Variants in IQGAP2 observed in about 807,000 individuals in gnomAD.
The protein encoded by IQGAP2 is ras GTPase-activating-like protein IQGAP2.
Under a neutral mutation model 201.3 loss-of-function variants are expected in IQGAP2, and 173 were observed. That is an observed-to-expected ratio of 0.86 (90% CI 0.76 to 0.98). IQGAP2 has a LOEUF of 0.98. Among genes scored for constraint, IQGAP2 ranks in the 50% least tolerant of loss-of-function variants. The probability of loss-of-function intolerance (pLI) is 0.00; values close to 1 mark genes in which losing one functional copy is unlikely to be tolerated. For missense variants in IQGAP2, 1,687 were observed against 1,864.8 expected (o/e 0.90, Z 1.76); for synonymous variants, 675 against 673.9 (o/e 1.00, Z -0.03).
chr5:76,703,813 CA>C (rs970241567), intron 35 of IQGAP2, among the ~76,000 whole-genome samples: 3 of 152,244 alleles, frequency 2.0e-5, no homozygotes, highest in South Asian at 2.1e-4. Context: ...AAACTACTTA[CA>C]AAATGGTTTC....
At chr5:76,512,884 A>G (rs1758065718) in intron 2 of IQGAP2, among the ~76,000 whole-genome samples, 1 of 152,118 alleles carries the variant, frequency 6.6e-6, no homozygotes, top group Non-Finnish European at 1.5e-5. Context: ...GCAAAACCCC[A>G]TCTCTACCAA....
At chr5:76,616,041 G>C (rs1748932128) in intron 13 of IQGAP2, 1 of 152,614 alleles carries the variant, frequency 6.6e-6, no homozygotes, top group Non-Finnish European at 1.5e-5. Context: ...GTGCCACAAA[G>C]ACTTGGGCCT....
In IQGAP2 at chr5:76,597,499, T is replaced by A. The variant is rs1431481397; in HGVS notation, c.968T>A (p.Leu323Gln). The change falls in exon 10 of 36, where the codon CTG becomes CAG. Residue 323 changes from leucine to glutamine, a missense_variant. Leu to Gln is a moderately radical substitution (Grantham distance 113, BLOSUM62 -2). Transcript: ENST00000274364. ...CCGGAAGGTGACCCCGAGAATACGC[T>A]GCTTGCACTGAAGAAACCAGAGGCC... ...VIPEGDPENTLLALKKPEAQL... is the reference protein window; with the variant it reads ...VIPEGDPENTQLALKKPEAQL... 23 of 1,613,446 alleles carry A rather than the reference T, an allele frequency of 1.4e-5. No individual in the cohort carries two copies. Among genetic ancestry groups the A allele is most frequent in the Non-Finnish European group, 1.9e-5 (23 of 1,179,828 alleles).
At chr5:76,417,908 T>G (rs2150077393) in intron 1 of IQGAP2, among the ~76,000 whole-genome samples, 1 of 151,588 alleles carries the variant, frequency 6.6e-6, no homozygotes, top group East Asian at 2.0e-4. Flanking sequence ...TGAAACGGTG[T>G]TTGAAATGAG....
At chr5:76,696,935 G>A (rs1178845787) in intron 32 of IQGAP2, among the ~76,000 whole-genome samples, 1 of 152,076 alleles carries the variant, frequency 6.6e-6, no homozygotes, top group Non-Finnish European at 1.5e-5. Context: ...AAGTTGTGGG[G>A]GAGTGTATGT....
intron 5 of IQGAP2, among the ~76,000 whole-genome samples, chr5:76,587,486 A>G (rs887330952): frequency 6.6e-6 from 1 of 152,248 alleles, no homozygotes; most frequent in Non-Finnish European, 1.5e-5. Flanking sequence ...CTAGAATAAT[A>G]TATACGTTTA....
chr5:76,428,642 A>C (rs1270503793), intron 1 of IQGAP2, among the ~76,000 whole-genome samples: 1 of 149,130 alleles, frequency 6.7e-6, no homozygotes, highest in East Asian at 2.1e-4. Flanking sequence ...CATGTTGGTC[A>C]GGTTGGTCTC....
At chr5:76,471,197 G>A (rs1034458623) in intron 2 of IQGAP2, among the ~76,000 whole-genome samples, 1 of 152,084 alleles carries the variant, frequency 6.6e-6, no homozygotes, top group Non-Finnish European at 1.5e-5. Flanking sequence ...GAATGGAGAC[G>A]GAGTTTGCAA....
At chr5:76,551,380 C>A (rs1299340088) in intron 2 of IQGAP2, among the ~76,000 whole-genome samples, 3 of 143,106 alleles carry the variant, frequency 2.1e-5, no homozygotes, top group Non-Finnish European at 3.0e-5. Context: ...ACTGGGCGGC[C>A]GGGCAGAGGG....
chr5:76,582,565 G>A (rs1346285098), intron 5 of IQGAP2, among the ~76,000 whole-genome samples: 8 of 152,164 alleles, frequency 5.3e-5, no homozygotes, highest in Admixed American at 2.6e-4. Flanking sequence ...TACAAAATGA[G>A]CTACACATAA....
rs1190629355 is a variant in IQGAP2, at chr5:76,597,573, CTT to C, written c.1045_1046del (p.Phe349GlnfsTer71). Reference protein sequence around the residue: ...PFAAAMYQNELFNLQKQNTMN... With the variant: ...PFAAAMYQNEXFNLQKQNTMN... ...TGCTGCTGCCATGTATCAGAACGAA[CTT>C]TTCAACCTCCAGAAACAGAACACCA... On this transcript the variant is annotated frameshift_variant, in exon 10 of 36. Transcript: ENST00000274364. LOFTEE classifies it high-confidence loss of function. 1 of 1,613,992 alleles carries C rather than the reference CTT, an allele frequency of 6.2e-7. No individual in the cohort carries two copies. Among genetic ancestry groups the C allele is most frequent in the South Asian group, 1.1e-5 (1 of 91,056 alleles).
At chr5:76,587,770 C>T (rs949845784) in intron 5 of IQGAP2, among the ~76,000 whole-genome samples, 22 of 151,692 alleles carry the variant, frequency 1.5e-4, no homozygotes, top group African/African-American at 2.4e-4. Flanking sequence ...GGTGAAACCC[C>T]GTCTCTACTA....
At chr5:76,542,321 T>C (rs1412809048) in intron 2 of IQGAP2, among the ~76,000 whole-genome samples, 1 of 152,174 alleles carries the variant, frequency 6.6e-6, no homozygotes, top group African/African-American at 2.4e-5. Context: ...AAAATCTGAA[T>C]CTTCCACTTT....
intron 2 of IQGAP2, among the ~76,000 whole-genome samples, chr5:76,537,992 G>A (rs910546812): frequency 6.6e-6 from 1 of 152,162 alleles, no homozygotes; most frequent in Admixed American, 6.5e-5. Flanking sequence ...GAGGAGGGGT[G>A]TATTTGCCCA....
Position 76,558,528 on chromosome 5 carries a change from G to A in IQGAP2, c.147-3868G>A, listed in dbSNP as rs113441953. On this transcript the variant is annotated intron_variant, in intron 2 of 35. Coordinates refer to ENST00000274364, the MANE Select transcript of IQGAP2 (RefSeq NM_006633.5). ...AACTTGGCCATATTTTTTTTAAGGCGGCATTACTATTGATTTCTTCTTTAC... is the reference window on the plus strand; with the variant it reads ...AACTTGGCCATATTTTTTTTAAGGCAGCATTACTATTGATTTCTTCTTTAC... Among the ~76,000 whole-genome samples, 638 of 151,914 alleles carry A rather than the reference G, an allele frequency of 4.2e-3. 3 individuals are homozygous for A. The highest frequency in any genetic ancestry group is 0.014 in the East Asian group (75 of 5,174).
intron 3 of IQGAP2, among the ~76,000 whole-genome samples, chr5:76,564,503 G>A (rs1744602614): frequency 6.6e-6 from 1 of 152,194 alleles, no homozygotes; most frequent in Admixed American, 6.5e-5. Flanking sequence ...ATGTGTGCTA[G>A]TTCTTTTCTC....
chr5:76,496,702 CTCTTTCTTTCTTTCTTTCTTTCT>C lies in IQGAP2; in HGVS notation c.146+35035_146+35057del, dbSNP rs1407713649. Among the ~76,000 whole-genome samples, 761 of 81,110 alleles carry C rather than the reference CTCTTTCTTTCTTTCTTTCTTTCT, an allele frequency of 9.4e-3. 7 individuals are homozygous for C. Among genetic ancestry groups the C allele is most frequent in the Middle Eastern group, 0.021 (4 of 188 alleles). 53.2% of individuals were successfully genotyped at this position (81,110 alleles called of 152,430 possible). The stretch of plus-strand genomic sequence containing the variant: ...ACCAAATATTTTTCTTTCTTTCTGT[CTCTTTCTTTCTTTCTTTCTTTCT>C]TTTCTTTCTTTCTTTCTTTCTTTCT... On this transcript the variant is annotated intron_variant, in intron 2 of 35. Transcript: ENST00000274364.
At chr5:76,621,836 G>T (rs567289537) in intron 13 of IQGAP2, among the ~76,000 whole-genome samples, 5 of 152,152 alleles carry the variant, frequency 3.3e-5, no homozygotes, top group African/African-American at 1.2e-4. Flanking sequence ...TAATATTTCG[G>T]AAATGTTTTT....
chr5:76,505,291 A>C (rs1333593767), intron 2 of IQGAP2, among the ~76,000 whole-genome samples: 1 of 152,236 alleles, frequency 6.6e-6, no homozygotes, highest in East Asian at 1.9e-4. Flanking sequence ...CAATTTGTAC[A>C]CATCTCATTT....
Sources: gnomAD v4.1 joint callset for allele counts (sites outside exome capture counted in the v4.1 genomes callset) on GRCh38, gnomAD v4.1.1 for gene constraint, MANE v1.5 for transcripts, NCBI Gene and HGNC (gene_info 2026-07-23, HGNC 2026-07-21) for gene names.